Variants in PEX5L observed in about 807,000 individuals in gnomAD.
PEX5L encodes peroxisomal biogenesis factor 5 like.
In PEX5L, 30 loss-of-function variants were observed where a neutral mutation model predicts 84.0. That is an observed-to-expected ratio of 0.36 (90% confidence interval 0.27 to 0.48). The LOEUF (loss-of-function observed/expected upper bound fraction) is 0.48, where lower values mean the gene tolerates loss of function less well. Ranked by LOEUF, PEX5L falls within the 20% of genes least tolerant of loss-of-function variation. The probability of loss-of-function intolerance (pLI) is 0.99; values close to 1 mark genes in which losing one functional copy is unlikely to be tolerated. For synonymous variants in PEX5L, 270 were observed against 283.1 expected, an observed-to-expected ratio of 0.95 and a Z score of 0.46; for missense variants, 533 against 754.6, an observed-to-expected ratio of 0.71 and a Z score of 3.44.
At chr3:179,807,880 A>G (rs748406756) in intron 13 of PEX5L, 49 bp from the exon 14 acceptor site, 11 of 1,524,764 alleles carry the variant, frequency 7.2e-6, no homozygotes, top group Non-Finnish European at 9.9e-6. Context: ...AGGCACAATG[A>G]CAGAGCATTC....
At chr3:179,878,317 T>C (rs1251881081) in intron 5 of PEX5L, among the ~76,000 whole-genome samples, 5 of 152,300 alleles carry the variant, frequency 3.3e-5, no homozygotes, top group East Asian at 3.9e-4. Flanking sequence ...CTTGTCACTA[T>C]TGGATCTCTG....
At chr3:179,852,608 T>C (rs1159028989) in intron 8 of PEX5L, among the ~76,000 whole-genome samples, 2 of 152,198 alleles carry the variant, frequency 1.3e-5, no homozygotes, top group Non-Finnish European at 2.9e-5. Context: ...AAGGTCTTAG[T>C]AGAATTTAAT....
chr3:179,902,661 G>C, intron 2 of PEX5L: 1 of 456,312 alleles, frequency 2.2e-6, no homozygotes, highest in Middle Eastern at 3.3e-4. Flanking sequence ...CTTTTACTAA[G>C]ACTTTCTTGA....
chr3:179,841,931 A>G (rs1224460205), intron 8 of PEX5L, among the ~76,000 whole-genome samples: 1 of 152,236 alleles, frequency 6.6e-6, no homozygotes, highest in Non-Finnish European at 1.5e-5. Context: ...ACTGGTATAG[A>G]TGAGATAAAT....
chr3:179,898,453 C>T (rs1382452509), intron 2 of PEX5L: 1 of 420,206 alleles, frequency 2.4e-6, no homozygotes, highest in Non-Finnish European at 4.2e-6. Flanking sequence ...ACTTTTTCCC[C>T]TTTACAGCTG....
At chr3:179,880,375 G>T (rs773694109) in intron 4 of PEX5L, among the ~76,000 whole-genome samples, 5 of 152,184 alleles carry the variant, frequency 3.3e-5, no homozygotes, top group African/African-American at 4.8e-5. Flanking sequence ...AGCTTTGAAT[G>T]AAATTAAAAT....
rs1727815809 is a variant in PEX5L, at chr3:179,819,980, G to A, written c.823-4C>T. The A allele has an allele frequency of 6.2e-7, 1 of 1,612,304 alleles. No individual in the cohort carries two copies. The highest frequency in any genetic ancestry group is 8.5e-7 in the Non-Finnish European group (1 of 1,178,714). On this transcript the variant is annotated splice_region_variant and splice_polypyrimidine_tract_variant and intron_variant, in intron 8 of 14. Coordinates refer to ENST00000467460, the MANE Select transcript of PEX5L (RefSeq NM_016559.3). ...TATCCCAAAACTCTGTATCTGACTG[G>A]GAGACAGGAAAAATGAATGGAGATG...
At chr3:179,855,512 A>G (rs1743593206) in intron 8 of PEX5L, among the ~76,000 whole-genome samples, 1 of 152,210 alleles carries the variant, frequency 6.6e-6, no homozygotes, top group South Asian at 2.1e-4. Flanking sequence ...GGAAAATACA[A>G]ATAAGCCAAC....
At chr3:179,847,505 A>G (rs1740003474) in intron 8 of PEX5L, among the ~76,000 whole-genome samples, 1 of 152,218 alleles carries the variant, frequency 6.6e-6, no homozygotes, top group African/African-American at 2.4e-5. Context: ...ATTAAAGCAT[A>G]TTATATGAAT....
At chr3:179,881,669 C>G (rs897797277) in intron 4 of PEX5L, 2 of 152,134 alleles carry the variant, frequency 1.3e-5, no homozygotes, top group Non-Finnish European at 2.9e-5. Context: ...CCTATTTTCA[C>G]TGCTCCTTTT....
intron 8 of PEX5L, among the ~76,000 whole-genome samples, chr3:179,821,885 G>C (rs769535114): frequency 6.6e-6 from 1 of 152,078 alleles, no homozygotes; most frequent in Non-Finnish European, 1.5e-5. Context: ...AATAATGAGG[G>C]ATGTTTTTCC....
chr3:179,954,208 G>GA (rs377041928), intron 2 of PEX5L, among the ~76,000 whole-genome samples: 2 of 133,090 alleles, frequency 1.5e-5, no homozygotes, highest in African/African-American at 5.5e-5. Context: ...ATTAGTCGGG[G>GA]GGGGGGGAAA....
intron 7 of PEX5L, 123 bp from the exon 8 acceptor site, chr3:179,859,280 A>T: frequency 1.4e-6 from 1 of 711,622 alleles, no homozygotes; most frequent in Non-Finnish European, 2.4e-6. Flanking sequence ...GTGACTGATG[A>T]CATTTTTGGA....
intron 2 of PEX5L, among the ~76,000 whole-genome samples, chr3:179,970,860 C>T (rs1784544348): frequency 6.6e-6 from 1 of 152,134 alleles, no homozygotes; most frequent in Admixed American, 6.6e-5. Context: ...CTCTCAGATG[C>T]TGTGCCACCC....
intron 3 of PEX5L, among the ~76,000 whole-genome samples, chr3:179,889,008 C>T (rs929338572): frequency 1.5e-4 from 23 of 152,026 alleles, no homozygotes; most frequent in African/African-American, 5.6e-4. Context: ...AACTCCTGGG[C>T]TCAAGCAATT....
chr3:179,803,681 G>T (rs1720020897), intron 14 of PEX5L, among the ~76,000 whole-genome samples: 1 of 152,166 alleles, frequency 6.6e-6, no homozygotes, highest in Non-Finnish European at 1.5e-5. Flanking sequence ...TCATACCCTT[G>T]ATCTCATTTA....
intron 10 of PEX5L, among the ~76,000 whole-genome samples, chr3:179,812,116 G>A (rs956148063): frequency 3.3e-5 from 5 of 152,086 alleles, no homozygotes; most frequent in East Asian, 1.9e-4. Flanking sequence ...AACCCAGTGC[G>A]ATGGAAACCT....
rs558559945 is a variant in PEX5L at position 179,875,329 on chromosome 3, G to A, written c.629+25C>T. On this transcript the variant is annotated intron_variant, in intron 6 of 14. Coordinates refer to ENST00000467460, the MANE Select transcript of PEX5L (RefSeq NM_016559.3). ...TCATAAAGTTGATACATAAATGGCC[G>A]TTTTCTGGTATTAAAATACCTTACC... The A allele has an allele frequency of 9.8e-5, 158 of 1,612,382 alleles. 1 individual carries two copies. Among genetic ancestry groups the A allele is most frequent in the South Asian group, 9.5e-4 (86 of 90,976 alleles).
At chr3:179,912,141 C>T (rs1443417123) in intron 2 of PEX5L, among the ~76,000 whole-genome samples, 1 of 152,088 alleles carries the variant, frequency 6.6e-6, no homozygotes, top group African/African-American at 2.4e-5. Flanking sequence ...ATCTCCTATA[C>T]TGGAAATATG....
Sources: allele counts gnomAD v4.1 joint callset (sites outside exome capture counted in the v4.1 genomes callset), GRCh38; gene constraint gnomAD v4.1.1; transcripts MANE v1.5; gene names NCBI Gene and HGNC (gene_info 2026-07-23, HGNC 2026-07-21).